Variants in SDK1 observed in about 807,000 individuals in gnomAD.
The protein encoded by SDK1 is protein sidekick-1.
Under a neutral mutation model 245.5 loss-of-function variants are expected in SDK1, and 157 were observed. The ratio of observed to expected loss-of-function variants is 0.64; its 90% CI spans 0.56 to 0.73. SDK1 has a LOEUF of 0.73. Among genes scored for constraint, SDK1 ranks in the 30% least tolerant of loss-of-function variants. The probability of loss-of-function intolerance (pLI) is 0.00; values close to 1 mark genes in which losing one functional copy is unlikely to be tolerated. For synonymous variants in SDK1, 1,647 were observed against 1,278.5 expected (o/e 1.29, Z -6.15); for missense variants, 3,583 against 3,002.3 (o/e 1.19, Z -4.52).
chr7:4,152,852 C>T (rs974781267), intron 30 of SDK1, among the ~76,000 whole-genome samples: 1 of 152,086 alleles, frequency 6.6e-6, no homozygotes, highest in African/African-American at 2.4e-5. Context: ...TGACTACGTC[C>T]AGGGAATATG....
intron 4 of SDK1, among the ~76,000 whole-genome samples, chr7:3,645,172 G>A (rs1442348043): frequency 6.6e-6 from 1 of 152,148 alleles, no homozygotes; most frequent in Non-Finnish European, 1.5e-5. Flanking sequence ...GCAAATACAT[G>A]CTAAAGCCTG....
rs151194064 is a variant in SDK1 at position 4,194,775 on chromosome 7, G to C, written c.5099-11104G>C. Among the ~76,000 whole-genome samples, 1,477 of 152,254 alleles carry C rather than the reference G, an allele frequency of 9.7e-3. 25 individuals are homozygous for C. Among genetic ancestry groups the C allele is most frequent in the African/African-American group, 0.034 (1,396 of 41,536 alleles). ...GGGTCTGCTTTTCCCAGCCCACTGA[G>C]TCAAATGTTAATCTCTTTTGGCAAC... On this transcript the variant is annotated intron_variant, in intron 35 of 44. Coordinates refer to ENST00000404826, the MANE Select transcript of SDK1 (RefSeq NM_152744.4).
At chr7:3,332,835 A>T (rs1780103805) in intron 1 of SDK1, among the ~76,000 whole-genome samples, 1 of 152,270 alleles carries the variant, frequency 6.6e-6, no homozygotes, top group South Asian at 2.1e-4. Context: ...TTTTTATGTG[A>T]TTCTCATTAT....
At chr7:3,836,856 C>G (rs974044171) in intron 5 of SDK1, among the ~76,000 whole-genome samples, 1 of 152,070 alleles carries the variant, frequency 6.6e-6, no homozygotes, top group South Asian at 2.1e-4. Context: ...AACTGGAAGT[C>G]CAAGATGAAA....
At chr7:3,342,466 T>G (rs1400659612) in intron 1 of SDK1, among the ~76,000 whole-genome samples, 3 of 151,974 alleles carry the variant, frequency 2.0e-5, no homozygotes, top group African/African-American at 7.3e-5. Context: ...CACATGCCTG[T>G]AATCCCAGTT....
chr7:4,012,123 G>A lies in SDK1; in HGVS notation c.2308G>A (p.Ala770Thr). 2 of 1,572,792 alleles carry A rather than the reference G, an allele frequency of 1.3e-6. No homozygotes were observed. Among genetic ancestry groups the A allele is most frequent in the East Asian group, 2.4e-5 (1 of 40,920 alleles). The change falls in exon 16 of 45, where the codon GCT (alanine) becomes ACT (threonine). Residue 770 changes from alanine (A) to threonine (T), a missense_variant. Coordinates refer to ENST00000404826, the MANE Select transcript of SDK1 (RefSeq NM_152744.4). ...RLMLPEEPPS[A>T]PPKNIVASGR... ...GATGCTACCTGAAGAACCACCCAGT[G>A]CTCCCCCGAAAAATATAGTGGCCAG...
intron 5 of SDK1, among the ~76,000 whole-genome samples, chr7:3,871,666 C>G (rs6963674): frequency 0.26 from 40,078 of 151,992 alleles, 6,489 homozygotes; most frequent in African/African-American, 0.46. Flanking sequence ...AAGCAAGTAG[C>G]GGGGAGGCGC....
chr7:4,076,040 TA>T (rs1311564157), intron 20 of SDK1, among the ~76,000 whole-genome samples: 1 of 151,964 alleles, frequency 6.6e-6, no homozygotes, highest in African/African-American at 2.4e-5. Flanking sequence ...GAAGAGAGTA[TA>T]GGGGGAAATC....
intron 38 of SDK1, among the ~76,000 whole-genome samples, chr7:4,217,295 TACCTGGAGAACCAGGCC>T (rs1784866392): frequency 1.5e-4 from 4 of 27,378 alleles, no homozygotes; most frequent in African/African-American, 6.0e-4. Context: ...AGAACCACAC[TACCTGGAGAACCAGGCC>T]ACCCGGAGCA....
intron 17 of SDK1, among the ~76,000 whole-genome samples, chr7:4,020,588 G>T (rs996654759): frequency 2.6e-5 from 4 of 152,216 alleles, no homozygotes; most frequent in Non-Finnish European, 5.9e-5. Context: ...CTGCCTAGAA[G>T]GTGGCACATG....
intron 4 of SDK1, among the ~76,000 whole-genome samples, chr7:3,805,020 T>C (rs766952322): frequency 3.9e-5 from 6 of 152,210 alleles, no homozygotes; most frequent in Non-Finnish European, 7.3e-5. Flanking sequence ...GAGTAGATTT[T>C]AAATGTTCTT....
At chr7:3,682,677 C>T (rs1011084430) in intron 4 of SDK1, among the ~76,000 whole-genome samples, 1 of 151,878 alleles carries the variant, frequency 6.6e-6, no homozygotes, top group Admixed American at 6.6e-5. Context: ...AACCTGCTCT[C>T]CTCTCTCAGA....
At chr7:3,858,406 C>G (rs2115113682) in intron 5 of SDK1, among the ~76,000 whole-genome samples, 1 of 151,830 alleles carries the variant, frequency 6.6e-6, no homozygotes, top group Admixed American at 6.6e-5. Flanking sequence ...AACTGCAAAA[C>G]AATACTTTAT....
At chr7:3,323,223 G>C (rs1779861438) in intron 1 of SDK1, among the ~76,000 whole-genome samples, 1 of 152,160 alleles carries the variant, frequency 6.6e-6, no homozygotes, top group East Asian at 1.9e-4. Flanking sequence ...TCTTCACCAA[G>C]TCTGTGAACT....
At chr7:3,950,326 C>G (rs1780752509) in intron 5 of SDK1, among the ~76,000 whole-genome samples, 1 of 152,154 alleles carries the variant, frequency 6.6e-6, no homozygotes, top group Non-Finnish European at 1.5e-5. Flanking sequence ...ATTAGCGTGA[C>G]TCTGACAATA....
chr7:4,214,905 C>T (rs1784707179), intron 38 of SDK1, among the ~76,000 whole-genome samples: 1 of 152,218 alleles, frequency 6.6e-6, no homozygotes, highest in Non-Finnish European at 1.5e-5. Flanking sequence ...CCGGCTCCAG[C>T]CGGGATGAGC....
At chr7:4,215,111 G>A (rs894473434) in intron 38 of SDK1, among the ~76,000 whole-genome samples, 11 of 152,170 alleles carry the variant, frequency 7.2e-5, no homozygotes, top group Non-Finnish European at 1.5e-5. Context: ...ACCCTGGCTC[G>A]CCGAGACACT....
In SDK1 at chr7:3,938,645, C is replaced by CAAAAAAAAAAAAAAAA. The variant is rs559065786; in HGVS notation, c.848-12263_848-12262insAAAAAAAAAAAAAAAA. 2.9e-3 allele frequency among the ~76,000 whole-genome samples: 260 copies of CAAAAAAAAAAAAAAAA among 90,488 alleles called. 27 individuals carry two copies. Among genetic ancestry groups the CAAAAAAAAAAAAAAAA allele is most frequent in the African/African-American group, 0.013 (246 of 18,546 alleles). The allele number at this position is 90,488 out of a possible 152,430, so 59.4% of individuals were successfully genotyped here. On this transcript the variant is annotated intron_variant, in intron 5 of 44. Coordinates refer to ENST00000404826, the MANE Select transcript of SDK1 (RefSeq NM_152744.4). ...TGGGCGACAGAGTGAGACTCCGTCT[C>CAAAAAAAAAAAAAAAA]AAAAAAAAAAAAAAAGAGATCCTCA...
intron 43 of SDK1, among the ~76,000 whole-genome samples, chr7:4,245,105 C>A (rs543702373): frequency 6.6e-6 from 1 of 152,258 alleles, no homozygotes; most frequent in African/African-American, 2.4e-5. Context: ...AGGCCCTTCC[C>A]ACATTCAAAG....
Sources: allele counts gnomAD v4.1 joint callset (sites outside exome capture counted in the v4.1 genomes callset), GRCh38; gene constraint gnomAD v4.1.1; transcripts MANE v1.5; gene names NCBI Gene and HGNC (gene_info 2026-07-23, HGNC 2026-07-21).